NHS: variants seen among roughly 807,000 people sequenced by gnomAD.
NHS encodes the protein NHS actin remodeling regulator, also known as actin remodeling regulator NHS.
In NHS, 5 loss-of-function variants were observed where a neutral mutation model predicts 72.5. The ratio of observed to expected loss-of-function variants is 0.07; its 90% CI spans 0.04 to 0.14. The LOEUF (loss-of-function observed/expected upper bound fraction) is 0.14, where lower values mean the gene tolerates loss of function less well. Ranked by LOEUF, NHS falls within the 10% of genes least tolerant of loss-of-function variation. The pLI, the probability that NHS is intolerant of heterozygous loss-of-function variation, is 1.00. For synonymous variants in NHS, 464 were observed against 547.7 expected (o/e 0.85, Z 2.13); for missense variants, 1,072 against 1,355.7 (o/e 0.79, Z 3.29).
intron 1 of NHS, among the ~76,000 whole-genome samples, chrX:17,630,513 C>T (rs765695867): frequency 9.1e-5 from 10 of 110,117 alleles, no homozygotes; most frequent in African/African-American, 3.0e-4. Flanking sequence ...TAGCTGCCCT[C>T]TTCCCCAGAG....
intron 1 of NHS, among the ~76,000 whole-genome samples, chrX:17,607,091 C>T (rs1023758969): frequency 3.6e-5 from 4 of 111,087 alleles, no homozygotes; most frequent in Non-Finnish European, 7.5e-5. Context: ...CTCAAGTTGC[C>T]CCTCTGAGTC....
At chrX:17,636,164 T>A (rs1158263397) in intron 1 of NHS, among the ~76,000 whole-genome samples, 1 of 111,861 alleles carries the variant, frequency 8.9e-6, no homozygotes, top group Non-Finnish European at 1.9e-5. Flanking sequence ...GAGAAAGACT[T>A]GTTTATCTCC....
At chrX:17,445,770 CTGT>C (rs2064776378) in intron 1 of NHS, among the ~76,000 whole-genome samples, 1 of 98,749 alleles carries the variant, frequency 1.0e-5, no homozygotes, top group Non-Finnish European at 2.0e-5. Context: ...GGGGGGGACT[CTGT>C]ATATTTTTAA....
chrX:17,602,235 C>G (rs551355428), intron 1 of NHS, among the ~76,000 whole-genome samples: 1 of 112,098 alleles, frequency 8.9e-6, no homozygotes, highest in Non-Finnish European at 1.9e-5. Flanking sequence ...GAGAACCAAA[C>G]CTATGTGGCT....
At chrX:17,553,263 A>G (rs184292148) in intron 1 of NHS, among the ~76,000 whole-genome samples, 85 of 113,102 alleles carry the variant, frequency 7.5e-4, no homozygotes, top group African/African-American at 2.5e-3. Context: ...AAGAATAAGA[A>G]CATGGCAAGG....
intron 1 of NHS, chrX:17,528,438 G>C (rs766924858): frequency 5.2e-4 from 58 of 112,038 alleles, no homozygotes; most frequent in African/African-American, 1.8e-3. Context: ...CACAGAAGGA[G>C]AAAATTTTTC....
chrX:17,679,480 T>G lies in NHS; in HGVS notation c.566-8262T>G, dbSNP rs183876138. Among the ~76,000 whole-genome samples the G allele has an allele frequency of 4.9e-4, 55 of 111,511 alleles. 5 individuals carry two copies. Among genetic ancestry groups the G allele is most frequent in the East Asian group, 4.5e-3 (16 of 3,525 alleles). On this transcript the variant is annotated intron_variant, in intron 1 of 8. Transcript: ENST00000676302. ...CAAGAAGTATAAGCTGTGGCTCCTC[T>G]TGTCAGAGGCATAAGGATGTGGCTG...
intron 1 of NHS, among the ~76,000 whole-genome samples, chrX:17,670,761 A>G (rs1297313683): frequency 1.8e-5 from 2 of 111,843 alleles, no homozygotes; most frequent in African/African-American, 6.5e-5. Context: ...GATGACACTG[A>G]CTCATTCCAT....
intron 1 of NHS, among the ~76,000 whole-genome samples, chrX:17,672,999 A>C (rs1156871289): frequency 1.8e-5 from 2 of 110,930 alleles, no homozygotes; most frequent in Non-Finnish European, 3.8e-5. Flanking sequence ...GGTATTGAGT[A>C]GAATTTGTCT....
chrX:17,721,586 A>G lies in NHS; in HGVS notation c.1061A>G (p.Gln354Arg). The G allele has an allele frequency of 8.3e-7, 1 of 1,211,287 alleles. No homozygotes were observed. The highest frequency in any genetic ancestry group is 1.1e-6 in the Non-Finnish European group (1 of 895,261). The change falls in exon 5 of 9, where the codon CAA (glutamine) becomes CGA (arginine). Residue 354 changes from glutamine (Q) to arginine (R), a missense_variant. Coordinates refer to ENST00000676302, the MANE Select transcript of NHS (RefSeq NM_001291867.2). ...CCGACGCCAGAGGAGAAGATGAAAC[A>G]AGATGCCCAAGTGATTTCTTCTTGC... ...PLPTPEEKMK[Q>R]DAQVISSCII... is the part of the protein sequence containing the mutation.
intron 1 of NHS, among the ~76,000 whole-genome samples, chrX:17,534,335 T>C (rs750525685): frequency 9.0e-6 from 1 of 111,725 alleles, no homozygotes; most frequent in East Asian, 2.8e-4. Flanking sequence ...TAGCGATGCC[T>C]GGGACATTGA....
chrX:17,410,604 C>G (rs2064553328), intron 1 of NHS, among the ~76,000 whole-genome samples: 1 of 105,152 alleles, frequency 9.5e-6, no homozygotes, highest in Non-Finnish European at 1.9e-5. Context: ...TTTCCCTTTC[C>G]TGGCGTTCCC....
chrX:17,543,168 A>G (rs1290857989), intron 1 of NHS, among the ~76,000 whole-genome samples: 1 of 111,421 alleles, frequency 9.0e-6, no homozygotes, highest in African/African-American at 3.3e-5. Flanking sequence ...CCCTGGTGCT[A>G]CTGGTGATGT....
chrX:17,635,649 G>A, intron 1 of NHS: 3 of 1,122,672 alleles, frequency 2.7e-6, no homozygotes, highest in Non-Finnish European at 3.6e-6. Flanking sequence ...GGAGGGGGAG[G>A]CTGGGTCTAA....
chrX:17,471,538 CTATGAA>C (rs1487667266), intron 1 of NHS, among the ~76,000 whole-genome samples: 1 of 112,769 alleles, frequency 8.9e-6, no homozygotes, highest in African/African-American at 3.2e-5. Context: ...GGTTTCTAAC[CTATGAA>C]TATGATTGCT....
intron 1 of NHS, among the ~76,000 whole-genome samples, chrX:17,671,646 C>A (rs960970834): frequency 4.5e-5 from 5 of 112,105 alleles, no homozygotes; most frequent in African/African-American, 1.6e-4. Context: ...GAAAAAGCAT[C>A]TAGTTTGACA....
chrX:17,465,524 T>G (rs1450177383), intron 1 of NHS, among the ~76,000 whole-genome samples: 1 of 108,661 alleles, frequency 9.2e-6, no homozygotes, highest in Non-Finnish European at 1.9e-5. Flanking sequence ...AAAATGAAAT[T>G]CCCTTTGGCT....
intron 1 of NHS, among the ~76,000 whole-genome samples, chrX:17,524,402 C>T (rs898422863): frequency 8.9e-6 from 1 of 111,925 alleles, no homozygotes; most frequent in Non-Finnish European, 1.9e-5. Context: ...TTTATGTAAC[C>T]TGTGTCCCAA....
At chrX:17,513,335 C>T (rs764208397) in intron 1 of NHS, among the ~76,000 whole-genome samples, 1 of 111,488 alleles carries the variant, frequency 9.0e-6, no homozygotes, top group Non-Finnish European at 1.9e-5. Context: ...TACCTTATTT[C>T]TCCCACGTGT....
Sources: allele counts gnomAD v4.1 joint callset (sites outside exome capture counted in the v4.1 genomes callset), GRCh38; gene constraint gnomAD v4.1.1; transcripts MANE v1.5; gene names NCBI Gene and HGNC (gene_info 2026-07-23, HGNC 2026-07-21).